The following SEMA3F variants were observed in gnomAD, a reference collection of about 807,000 sequenced individuals.
SEMA3F encodes semaphorin 3F.
SEMA3F carries 30 observed loss-of-function variants against 98.5 expected under a neutral mutation model. That is an observed-to-expected ratio of 0.30 (90% CI 0.23 to 0.41). The LOEUF is 0.41. Ranked by LOEUF, SEMA3F falls within the 10% of genes least tolerant of loss-of-function variation. The pLI is 1.00. For missense variants in SEMA3F, 866 were observed against 1,119.3 expected (o/e 0.77, Z 3.23); for synonymous variants, 380 against 444.8 (o/e 0.85, Z 1.83).
rs59949761 is a variant in SEMA3F, at chr3:50,188,174, G to GATATATAT, written c.*77_*84dup. 5.0e-3 allele frequency: 1,481 copies of GATATATAT among 298,966 alleles called. 5 individuals are homozygous for GATATATAT. The highest frequency in any genetic ancestry group is 0.018 in the East Asian group (246 of 13,474). 18.5% of individuals were successfully genotyped at this position (298,966 alleles called of 1,614,324 possible). On this transcript the variant is annotated 3_prime_UTR_variant, in exon 19 of 19. Coordinates refer to ENST00000002829, the MANE Select transcript of SEMA3F (RefSeq NM_004186.5). The surrounding 1 kb of genome is among the most constrained non-coding windows in gnomAD (Gnocchi z 4.5). Reference sequence around the variant, plus strand: ...AGCCCTTGTCCCTTTTAATATAAAAGATATATATATATATATATATATATA... The same window carrying GATATATAT: ...AGCCCTTGTCCCTTTTAATATAAAAGATATATATATATATATATATATATATATATATA...
At chr3:50,186,463 T>TG in intron 17 of SEMA3F, 115 bp downstream of exon 17, 1 of 1,388,372 alleles carries the variant, frequency 7.2e-7, no homozygotes, top group Non-Finnish European at 1.0e-6. Flanking sequence ...TAATGGAGGG[T>TG]GGGGGCTAAT....
chr3:50,175,253 C>G, intron 6 of SEMA3F, 65 bp downstream of exon 6: 1 of 1,202,230 alleles, frequency 8.3e-7, no homozygotes. Context: ...CACCCTGGGC[C>G]TGCACCTGAG....
chr3:50,176,643 G>A (rs1027095974), intron 6 of SEMA3F, 125 bp from the exon 7 acceptor site: 16 of 707,332 alleles, frequency 2.3e-5, no homozygotes, highest in Middle Eastern at 3.8e-4. Flanking sequence ...GGAATGCTGG[G>A]GAGTGTAGGG....
chr3:50,176,941 C>T, intron 7 of SEMA3F, 80 bp downstream of exon 7: 1 of 1,162,460 alleles, frequency 8.6e-7, no homozygotes, highest in Non-Finnish European at 1.3e-6. Flanking sequence ...CCAACACTTA[C>T]CCAAGGGCAG....
At chr3:50,181,366 G>T (rs1022695998) in intron 7 of SEMA3F, among the ~76,000 whole-genome samples, 1 of 151,418 alleles carries the variant, frequency 6.6e-6, no homozygotes, top group African/African-American at 2.4e-5. Flanking sequence ...TGTGTCACCA[G>T]GCTGGAGTGC....
intron 2 of SEMA3F, among the ~76,000 whole-genome samples, chr3:50,165,092 T>G (rs1698353149): frequency 6.6e-6 from 1 of 152,076 alleles, no homozygotes; most frequent in African/African-American, 2.4e-5. Flanking sequence ...CCCTGAGTCC[T>G]GTGGGGTGGG....
At chr3:50,184,370 C>T in intron 12 of SEMA3F, 2 of 582,010 alleles carry the variant, frequency 3.4e-6, no homozygotes, top group Non-Finnish European at 6.1e-6. Context: ...GGTCATGGCA[C>T]CTGAGGCCAG....
chr3:50,160,982 C>T (rs2624841), intron 2 of SEMA3F, among the ~76,000 whole-genome samples: 52,834 of 152,054 alleles, frequency 0.35, 10,233 homozygotes, highest in African/African-American at 0.49. Context: ...AAAGCACCCC[C>T]CTTCCCCGGG....
intron 16 of SEMA3F, 109 bp from the exon 17 acceptor site, chr3:50,186,172 G>A: frequency 1.4e-6 from 2 of 1,451,754 alleles, no homozygotes; most frequent in Non-Finnish European, 1.9e-6. Flanking sequence ...TTATGGGTAA[G>A]ACATCACTGC....
intron 7 of SEMA3F, among the ~76,000 whole-genome samples, chr3:50,179,232 T>G (rs1362921694): frequency 1.3e-5 from 2 of 152,180 alleles, no homozygotes; most frequent in African/African-American, 4.8e-5. Context: ...AGTCTGACTG[T>G]CGTTCGAAGC....
intron 2 of SEMA3F, among the ~76,000 whole-genome samples, chr3:50,168,270 G>T (rs867791125): frequency 6.6e-6 from 1 of 152,050 alleles, no homozygotes. Flanking sequence ...CTGGGGTCTG[G>T]CTTCTAGGGT....
At chr3:50,183,590 TC>T (rs1409162822) in intron 12 of SEMA3F, 26 bp downstream of exon 12, 1 of 1,609,784 alleles carries the variant, frequency 6.2e-7, no homozygotes, top group East Asian at 2.2e-5. Flanking sequence ...ATCCTGCCTC[TC>T]CCCTTTCTCT....
At chr3:50,183,662 C>T in intron 12 of SEMA3F, 98 bp downstream of exon 12, 1 of 1,341,920 alleles carries the variant, frequency 7.5e-7, no homozygotes, top group Non-Finnish European at 1.0e-6. Context: ...CATGGCCCTC[C>T]CAGCCAGCGG....
At position 50,161,267 on chromosome 3, in the gene SEMA3F, G is replaced by A. The variant is rs771161353; in HGVS notation, c.112+1533G>A. ...GGGGCAAAACAGAGAGGGGTCTTCC[G>A]TGTGCTCCTTCTAAGCCTCCCTGGA... is the stretch of plus-strand genomic sequence containing the variant. On this transcript the variant is annotated intron_variant, in intron 2 of 18. Coordinates refer to ENST00000002829, the MANE Select transcript of SEMA3F (RefSeq NM_004186.5). 1.8e-4 allele frequency among the ~76,000 whole-genome samples: 27 copies of A among 152,162 alleles called. 1 individual carries two copies. The highest frequency in any genetic ancestry group is 9.8e-4 in the Admixed American group (15 of 15,278).
At position 50,183,239 on chromosome 3, in the gene SEMA3F, G is replaced by C. The variant is rs1201654175; in HGVS notation, c.1072G>C (p.Val358Leu). ...QDVRNPVIYAVFTSSGSVFRG... is the reference protein window; with the variant it reads ...QDVRNPVIYALFTSSGSVFRG... ...CGTGAGGAACCCTGTCATTTACGCT[G>C]TCTTTACCTCCTCTGGGTGAGGCTG... is the stretch of plus-strand genomic sequence containing the variant. Residue 358 changes from valine to leucine, a missense_variant, in exon 11 of 19, where the codon GTC becomes CTC. Physicochemically the swap from Val to Leu is conservative, Grantham distance 32. Transcript: ENST00000002829. The C allele has an allele frequency of 3.1e-6, 5 of 1,614,128 alleles. No homozygotes were observed. The highest frequency in any genetic ancestry group is 3.4e-6 in the Non-Finnish European group (4 of 1,180,008).
At chr3:50,168,396 C>T (rs1030790969) in intron 2 of SEMA3F, among the ~76,000 whole-genome samples, 1 of 152,164 alleles carries the variant, frequency 6.6e-6, no homozygotes, top group Admixed American at 6.5e-5. Flanking sequence ...ATGGTAAGTG[C>T]CCAAGAGTGG....
In SEMA3F at chr3:50,185,540, G is replaced by A. The variant is rs1047984195; in HGVS notation, c.1545+9G>A. The A allele has an allele frequency of 4.3e-6, 7 of 1,612,394 alleles. No homozygotes were observed. Among genetic ancestry groups the A allele is most frequent in the Non-Finnish European group, 5.9e-6 (7 of 1,178,662 alleles). ...AGGTGGAGGTCTTCAAGGTGGGTGT[G>A]ACACCACCCAGTCCTGACCTCCCCA... is the stretch of plus-strand genomic sequence containing the variant. On this transcript the variant is annotated intron_variant, in intron 14 of 18. Coordinates refer to ENST00000002829, the MANE Select transcript of SEMA3F (RefSeq NM_004186.5).
intron 7 of SEMA3F, among the ~76,000 whole-genome samples, chr3:50,178,815 G>T: frequency 6.9e-6 from 1 of 144,466 alleles, no homozygotes; most frequent in Non-Finnish European, 1.5e-5. Context: ...AGTAGATTTT[G>T]CAAAATTCTT....
chr3:50,183,306 A>T, intron 11 of SEMA3F, 51 bp downstream of exon 11: 10 of 1,605,786 alleles, frequency 6.2e-6, no homozygotes, highest in Non-Finnish European at 8.5e-6. Context: ...CCGTTGGGGG[A>T]TTGTAACTCG....
Sources: allele counts gnomAD v4.1 joint callset (sites outside exome capture counted in the v4.1 genomes callset), GRCh38; gene constraint gnomAD v4.1.1; non-coding constraint Gnocchi (gnomAD v3.1); transcripts MANE v1.5; gene names NCBI Gene and HGNC (gene_info 2026-07-23, HGNC 2026-07-21).